DDX11: variants seen among roughly 807,000 people sequenced by gnomAD.
DDX11 encodes DEAD/H-box helicase 11, also known as ATP-dependent DNA helicase DDX11.
A neutral mutation model predicts 125.2 loss-of-function variants in DDX11; 72 were observed. The ratio of observed to expected loss-of-function variants is 0.58; its 90% CI spans 0.48 to 0.70. DDX11 has a LOEUF of 0.70. Among genes scored for constraint, DDX11 ranks in the 30% least tolerant of loss-of-function variants. The pLI, the probability that DDX11 is intolerant of heterozygous loss-of-function variation, is 0.00. For missense variants in DDX11, 883 were observed against 1,165.0 expected, an observed-to-expected ratio of 0.76 and a Z score of 3.52; for synonymous variants, 347 against 452.6, an observed-to-expected ratio of 0.77 and a Z score of 2.96.
At chr12:31,078,582 C>T (rs1460918118) in intron 2 of DDX11, 45 bp downstream of exon 2, 2 of 1,611,728 alleles carry the variant, frequency 1.2e-6, no homozygotes, top group Admixed American at 3.3e-5. Flanking sequence ...AACTTAACAG[C>T]AGCCGTACTA....
intron 1 of DDX11, chr12:31,078,012 G>A (rs1371212907): frequency 2.7e-6 from 1 of 369,590 alleles, no homozygotes; most frequent in East Asian, 7.2e-5. Context: ...CGTGGGAGAA[G>A]AAAGCTGCAA....
At chr12:31,086,183 T>C (rs1158880414) in intron 5 of DDX11, 3 of 449,830 alleles carry the variant, frequency 6.7e-6, no homozygotes, top group Non-Finnish European at 1.3e-5. Flanking sequence ...CCTTGGCAGA[T>C]GTCTTCCTCT....
chr12:31,085,172 C>G lies in DDX11; in HGVS notation c.638+46C>G, dbSNP rs1478105889. 16 of 1,542,580 alleles carry G rather than the reference C, an allele frequency of 1.0e-5. No homozygotes were observed. In the East Asian group the frequency reaches 3.9e-4, roughly 38 times the overall value. The stretch of plus-strand genomic sequence containing the variant: ...CTACCCTGCCCCAGGCCAGGGGACA[C>G]CCTTGAAGACAGCTCTTTCCCTCAT... On this transcript the variant is annotated intron_variant, in intron 5 of 26. Coordinates refer to ENST00000542838, the MANE Select transcript of DDX11 (RefSeq NM_030653.4).
chr12:31,090,215 C>T (rs1943964578), intron 9 of DDX11, 121 bp downstream of exon 9: 5 of 858,636 alleles, frequency 5.8e-6, no homozygotes, highest in South Asian at 5.8e-5. Flanking sequence ...GTTGATGGCA[C>T]CTTAACCCAT....
At chr12:31,094,553 A>T in intron 12 of DDX11, 37 bp from the exon 13 acceptor site, 1 of 1,559,510 alleles carries the variant, frequency 6.4e-7, no homozygotes. Context: ...GGGTCCTGAG[A>T]ACCAGCATTG....
At chr12:31,090,972 C>G (rs1000804208) in intron 9 of DDX11, 1 of 152,086 alleles carries the variant, frequency 6.6e-6, no homozygotes, top group Non-Finnish European at 1.5e-5. Flanking sequence ...ATAATATGGC[C>G]CAAAATCTTT....
chr12:31,094,199 G>A (rs1342016519), intron 12 of DDX11: 5 of 313,994 alleles, frequency 1.6e-5, no homozygotes, highest in Non-Finnish European at 3.1e-5. Context: ...GGGAGCTCCT[G>A]GCGGGAGCTG....
rs958818163 is a variant in DDX11, at chr12:31,087,767, T to C, written c.639-171T>C. 10 of 1,158,038 alleles carry C rather than the reference T, an allele frequency of 8.6e-6. No homozygotes were observed. In the African/African-American group the frequency reaches 1.2e-4, roughly 14 times the overall value. 71.7% of individuals were successfully genotyped at this position (1,158,038 alleles called of 1,614,324 possible). On this transcript the variant is annotated intron_variant, in intron 5 of 26. Transcript: ENST00000542838. ...CACAGACCTGAGCGGCCATGGGAGG[T>C]TGGGGTTGGCATTTGCCTGGGGGAG...
At chr12:31,099,084 C>CTTTTTTTTTT (rs763612105) in intron 18 of DDX11, among the ~76,000 whole-genome samples, 101 of 63,678 alleles carry the variant, frequency 1.6e-3, no homozygotes, top group African/African-American at 2.2e-3. Flanking sequence ...TTCTTTCTTT[C>CTTTTTTTTTT]TTTTTTTTTT....
In DDX11 at chr12:31,102,303, T is replaced by G; in HGVS notation, c.2263T>G (p.Cys755Gly). Residue 755 changes from cysteine (C) to glycine (G), a missense_variant, in exon 22 of 27, where the codon TGC becomes GGC. Coordinates refer to ENST00000542838, the MANE Select transcript of DDX11 (RefSeq NM_030653.4). Reference protein sequence around the residue: ...VEQVLLAYSRCIQACGQERGQ... With the variant: ...VEQVLLAYSRGIQACGQERGQ... The stretch of plus-strand genomic sequence containing the variant: ...GCAGGTGCTGCTGGCATATTCCAGG[T>G]GCATCCAGGTGCGGGCGTCATGCTG... 6.2e-7 allele frequency: 1 copy of G among 1,614,130 alleles called. No homozygotes were observed. Among genetic ancestry groups the G allele is most frequent in the African/African-American group, 1.3e-5 (1 of 75,042 alleles).
chr12:31,084,161 G>A, intron 3 of DDX11, 100 bp downstream of exon 3: 1 of 1,515,396 alleles, frequency 6.6e-7, no homozygotes, highest in Non-Finnish European at 9.2e-7. Flanking sequence ...ATGCTCCCCT[G>A]CCGTTGCCGT....
At chr12:31,074,965 A>C (rs1287578703) in intron 1 of DDX11, among the ~76,000 whole-genome samples, 11 of 152,250 alleles carry the variant, frequency 7.2e-5, no homozygotes, top group Admixed American at 7.2e-4. Context: ...AACTGAGCCC[A>C]CAACAATAGT....
rs543756755 is a variant in DDX11, at chr12:31,100,632, C to T, written c.1876-3C>T. On this transcript the variant is annotated splice_polypyrimidine_tract_variant and splice_region_variant and intron_variant, in intron 18 of 26. Transcript: ENST00000542838. ...GCCGTGACGCTGTGGCCTTGGTCTA[C>T]AGGTGTCTGACTTCCGGCAGCAGCT... 170 of 1,552,244 alleles carry T rather than the reference C, an allele frequency of 1.1e-4. No homozygotes were observed. The highest frequency in any genetic ancestry group is 1.4e-4 in the Non-Finnish European group (157 of 1,147,106).
rs1946920466 is a variant in DDX11 at position 31,104,544 on chromosome 12, A to G, written c.*708A>G. The G allele has an allele frequency of 6.1e-6, 1 of 165,246 alleles. No homozygotes were observed. The highest frequency in any genetic ancestry group is 1.3e-5 in the Non-Finnish European group (1 of 75,098). The allele number at this position is 165,246 out of a possible 1,614,324, so 10.2% of individuals were successfully genotyped here. A position where few individuals can be genotyped will look rare whatever the true frequency, so the allele number is the denominator to read the frequency against. ...TGCCAAGGGCCGTTAGGCTCTCAAC[A>G]TGACTATAGAGACCCCGTGTCATCA... On this transcript the variant is annotated 3_prime_UTR_variant, in exon 27 of 27. Coordinates refer to ENST00000542838, the MANE Select transcript of DDX11 (RefSeq NM_030653.4).
intron 2 of DDX11, among the ~76,000 whole-genome samples, chr12:31,080,770 G>A (rs555181338): frequency 1.3e-5 from 2 of 152,108 alleles, no homozygotes; most frequent in African/African-American, 4.8e-5. Flanking sequence ...TTAGAGACAG[G>A]GTGTTGCTCT....
At chr12:31,102,559 G>A (rs199681902) in intron 23 of DDX11, 32 bp downstream of exon 23, 661 of 1,586,434 alleles carry the variant, frequency 4.2e-4, no homozygotes, top group Non-Finnish European at 5.2e-4. Context: ...CTCCTGGGCC[G>A]TGATACATGG....
In DDX11 at chr12:31,103,561, C is replaced by T. The variant is rs1946787357; in HGVS notation, c.2537-16C>T. ...GGCAGGTGTTGCTCGGAGCCCCAGC[C>T]TCTGTTCCTATGCAGGCAGGGCCAT... On this transcript the variant is annotated splice_polypyrimidine_tract_variant and intron_variant, in intron 25 of 26. Transcript: ENST00000542838. 3.7e-6 allele frequency: 6 copies of T among 1,613,694 alleles called. No individual in the cohort carries two copies. The highest frequency in any genetic ancestry group is 4.2e-6 in the Non-Finnish European group (5 of 1,179,890).
intron 3 of DDX11, among the ~76,000 whole-genome samples, 154 bp downstream of exon 3, chr12:31,084,215 C>T (rs1417981685): frequency 1.3e-5 from 2 of 152,164 alleles, no homozygotes; most frequent in African/African-American, 2.4e-5. Flanking sequence ...ATGGTGCTGC[C>T]GCTGTGCTGT....
chr12:31,098,457 C>G (rs1372820097), intron 18 of DDX11, among the ~76,000 whole-genome samples: 2 of 152,288 alleles, frequency 1.3e-5, no homozygotes, highest in African/African-American at 2.4e-5. Context: ...AACCCTGTCT[C>G]CTTGTCAGCA....
Sources: allele counts gnomAD v4.1 joint callset (sites outside exome capture counted in the v4.1 genomes callset), GRCh38; gene constraint gnomAD v4.1.1; transcripts MANE v1.5; gene names NCBI Gene and HGNC (gene_info 2026-07-23, HGNC 2026-07-21).